SPRED1: variants seen among roughly 807,000 people sequenced by gnomAD.
SPRED1 encodes the protein sprouty related EVH1 domain containing 1.
Under a neutral mutation model 52.3 loss-of-function variants are expected in SPRED1, and 18 were observed. The ratio of observed to expected loss-of-function variants is 0.34; its 90% CI spans 0.24 to 0.51. The LOEUF (loss-of-function observed/expected upper bound fraction) is 0.51, where lower values mean the gene tolerates loss of function less well. SPRED1 is among the 20% of genes least tolerant of loss of function. SPRED1 has a pLI of 0.97. For synonymous variants in SPRED1, 155 were observed against 179.7 expected, an observed-to-expected ratio of 0.86 and a Z score of 1.10; for missense variants, 485 against 551.0, an observed-to-expected ratio of 0.88 and a Z score of 1.20.
At chr15:38,339,498 T>C (rs143355079) in intron 4 of SPRED1, among the ~76,000 whole-genome samples, 42 of 152,338 alleles carry the variant, frequency 2.8e-4, no homozygotes, top group Non-Finnish European at 5.3e-4. Context: ...GTTCTTCATG[T>C]TATTTTTAAT....
intron 1 of SPRED1, among the ~76,000 whole-genome samples, chr15:38,277,639 A>G (rs1384924874): frequency 1.3e-5 from 2 of 152,222 alleles, no homozygotes; most frequent in Admixed American, 1.3e-4. Flanking sequence ...CTTACCCAGT[A>G]ATGAAGTTGC....
chr15:38,275,820 T>G (rs1052177112), intron 1 of SPRED1, among the ~76,000 whole-genome samples: 2 of 152,196 alleles, frequency 1.3e-5, no homozygotes, highest in African/African-American at 4.8e-5. Flanking sequence ...TAACCCTCTT[T>G]ACAGTTGGAG....
At chr15:38,319,449 G>A (rs572123888) in intron 2 of SPRED1, among the ~76,000 whole-genome samples, 1 of 152,166 alleles carries the variant, frequency 6.6e-6, no homozygotes, top group African/African-American at 2.4e-5. Context: ...GCATGATCTC[G>A]GCTCACTGCA....
In SPRED1 at chr15:38,352,326, G is replaced by A. The variant is rs374443282; in HGVS notation, c.*662G>A. The A allele has an allele frequency of 4.6e-5, 7 of 151,812 alleles. No individual in the cohort carries two copies. The highest frequency in any genetic ancestry group is 1.7e-4 in the African/African-American group (7 of 41,192). The allele number at this position is 151,812 out of a possible 1,614,324, so 9.4% of individuals were successfully genotyped here. On this transcript the variant is annotated 3_prime_UTR_variant, in exon 7 of 7. Transcript: ENST00000299084. ...AGTTAATAATGTTTTTATTCCATGC[G>A]AATGATTTGATATTTTCATCCTTAT...
At chr15:38,269,809 G>T (rs1309489307) in intron 1 of SPRED1, among the ~76,000 whole-genome samples, 2 of 152,058 alleles carry the variant, frequency 1.3e-5, no homozygotes, top group East Asian at 1.9e-4. Context: ...AGTGACTGAG[G>T]AGTTAAATTT....
intron 2 of SPRED1, among the ~76,000 whole-genome samples, chr15:38,321,280 C>T (rs1483893223): frequency 6.6e-6 from 1 of 152,048 alleles, no homozygotes; most frequent in Non-Finnish European, 1.5e-5. Context: ...CTGTGTTATT[C>T]TTGTTACTTT....
intron 4 of SPRED1, among the ~76,000 whole-genome samples, chr15:38,330,439 T>G (rs942400069): frequency 1.3e-5 from 2 of 152,126 alleles, no homozygotes; most frequent in African/African-American, 4.8e-5. Flanking sequence ...AGAAAGCTAA[T>G]GAACAGAATA....
In SPRED1 at chr15:38,351,811, G is replaced by A. The variant is rs1339306544; in HGVS notation, c.*147G>A. 1.0e-6 allele frequency: 1 copy of A among 995,262 alleles called. No homozygotes were observed. The highest frequency in any genetic ancestry group is 1.5e-6 in the Non-Finnish European group (1 of 673,006). 61.7% of individuals were successfully genotyped at this position (995,262 alleles called of 1,614,324 possible). ...AGGAAGCAGAACTCATCAGTTCTTGGCGTTTCACGCCATGCCTAACTTTTC... is the reference window on the plus strand; with the variant it reads ...AGGAAGCAGAACTCATCAGTTCTTGACGTTTCACGCCATGCCTAACTTTTC... On this transcript the variant is annotated 3_prime_UTR_variant, in exon 7 of 7. Coordinates refer to ENST00000299084, the MANE Select transcript of SPRED1 (RefSeq NM_152594.3).
intron 1 of SPRED1, among the ~76,000 whole-genome samples, chr15:38,255,301 C>T (rs1894071085): frequency 6.6e-6 from 1 of 151,980 alleles, no homozygotes; most frequent in African/African-American, 2.4e-5. Context: ...TCTAAATGTA[C>T]TTAGTATGGG....
intron 1 of SPRED1, among the ~76,000 whole-genome samples, chr15:38,277,298 G>A (rs1894578287): frequency 6.6e-6 from 1 of 152,108 alleles, no homozygotes; most frequent in South Asian, 2.1e-4. Context: ...AGGCCCTGGT[G>A]TCTGTTCCCT....
At chr15:38,276,675 CT>C (rs1416654666) in intron 1 of SPRED1, among the ~76,000 whole-genome samples, 3 of 152,162 alleles carry the variant, frequency 2.0e-5, no homozygotes, top group Non-Finnish European at 4.4e-5. Context: ...GTGAAATACT[CT>C]TCCTATTGTG....
chr15:38,334,959 T>G (rs1385161063), intron 4 of SPRED1, among the ~76,000 whole-genome samples: 8 of 152,012 alleles, frequency 5.3e-5, no homozygotes, highest in Non-Finnish European at 1.2e-4. Flanking sequence ...TATTTCTATT[T>G]CTCCAAACCC....
intron 1 of SPRED1, among the ~76,000 whole-genome samples, chr15:38,268,757 G>A (rs1441904499): frequency 2.6e-5 from 4 of 152,158 alleles, no homozygotes; most frequent in African/African-American, 9.7e-5. Flanking sequence ...TGTGTTAAAA[G>A]TGTATGGCTT....
At chr15:38,295,013 G>A (rs1000651380) in intron 1 of SPRED1, among the ~76,000 whole-genome samples, 4 of 152,100 alleles carry the variant, frequency 2.6e-5, no homozygotes, top group South Asian at 2.1e-4. Context: ...TGGATTCATC[G>A]AGGTAACATT....
chr15:38,301,754 T>TA, intron 2 of SPRED1, among the ~76,000 whole-genome samples: 1 of 152,334 alleles, frequency 6.6e-6, no homozygotes, highest in African/African-American at 2.4e-5. Context: ...TATACATACA[T>TA]TAGTTTACAA....
At position 38,277,123 on chromosome 15, in the gene SPRED1, A is replaced by C. The variant is rs1300145324; in HGVS notation, c.33-22250A>C. 2.0e-5 allele frequency among the ~76,000 whole-genome samples: 3 copies of C among 152,278 alleles called. No homozygotes were observed. The East Asian group carries it at 5.8e-4, about 29-fold the overall frequency. ...TATTAAAATTTCTTGTGTCAGTATA[A>C]GGACTTTTTAAAACTTTTAGGTTCA... On this transcript the variant is annotated intron_variant, in intron 1 of 6. Transcript: ENST00000299084.
chr15:38,283,305 C>T (rs1191859804), intron 1 of SPRED1, among the ~76,000 whole-genome samples: 1 of 152,182 alleles, frequency 6.6e-6, no homozygotes, highest in Non-Finnish European at 1.5e-5. Flanking sequence ...CCACCCCCAT[C>T]ATCCAGTCAC....
At chr15:38,262,566 A>G (rs1216542148) in intron 1 of SPRED1, among the ~76,000 whole-genome samples, 1 of 152,186 alleles carries the variant, frequency 6.6e-6, no homozygotes, top group Non-Finnish European at 1.5e-5. Context: ...TTTTGGATAC[A>G]GTTGTTTGGA....
rs1888539657 is a variant in SPRED1 at position 38,353,441 on chromosome 15, A to G, written c.*1777A>G. 1.3e-5 allele frequency: 2 copies of G among 152,570 alleles called. 1 individual carries two copies. Among genetic ancestry groups the G allele is most frequent in the Admixed American group, 1.3e-4 (2 of 15,278 alleles). 9.5% of individuals were successfully genotyped at this position (152,570 alleles called of 1,614,324 possible). A position where few individuals can be genotyped will look rare whatever the true frequency, so the allele number is the denominator to read the frequency against. On this transcript the variant is annotated 3_prime_UTR_variant, in exon 7 of 7. Coordinates refer to ENST00000299084, the MANE Select transcript of SPRED1 (RefSeq NM_152594.3). ...TATTTCACATTGAAAAGAAGAAAAT[A>G]TATTGATAACTATAGATGTTATGAA...
Sources: allele counts gnomAD v4.1 joint callset (sites outside exome capture counted in the v4.1 genomes callset), GRCh38; gene constraint gnomAD v4.1.1; transcripts MANE v1.5; gene names NCBI Gene and HGNC (gene_info 2026-07-23, HGNC 2026-07-21).